The following SGCG variants were observed in gnomAD, a reference collection of about 807,000 sequenced individuals.
The protein encoded by SGCG is sarcoglycan gamma.
SGCG carries 26 observed loss-of-function variants against 29.3 expected under a neutral mutation model. The observed-to-expected ratio is 0.89, with a 90% CI of 0.65 to 1.23. SGCG has a LOEUF of 1.23. Among genes scored for constraint, SGCG ranks in the 50% most tolerant of loss-of-function variants. The probability of loss-of-function intolerance (pLI) is 0.00; values close to 1 mark genes in which losing one functional copy is unlikely to be tolerated. For missense variants in SGCG, 353 were observed against 356.0 expected, an observed-to-expected ratio of 0.99 and a Z score of 0.07; for synonymous variants, 145 against 129.7, an observed-to-expected ratio of 1.12 and a Z score of -0.80.
chr13:23,311,557 TC>T (rs917359151), intron 6 of SGCG, among the ~76,000 whole-genome samples: 3 of 152,210 alleles, frequency 2.0e-5, no homozygotes, highest in African/African-American at 7.2e-5. Flanking sequence ...GTCTGACTAC[TC>T]CTACAGGACA....
chr13:23,207,448 G>T (rs1365925075), intron 2 of SGCG, among the ~76,000 whole-genome samples: 2 of 152,072 alleles, frequency 1.3e-5, no homozygotes, highest in Non-Finnish European at 2.9e-5. Flanking sequence ...GGCAACCAAA[G>T]CAAAAATAGA....
At chr13:23,163,280 T>C in the SGCG span, among the ~76,000 whole-genome samples, 2 of 152,174 alleles carry the variant, frequency 1.3e-5, no homozygotes, top group Non-Finnish European at 2.9e-5. Flanking sequence ...TTGTTACATA[T>C]GAGGGAAATA....
At chr13:23,297,843 C>G (rs1255947879) in intron 6 of SGCG, among the ~76,000 whole-genome samples, 1 of 151,658 alleles carries the variant, frequency 6.6e-6, no homozygotes, top group East Asian at 2.0e-4. Flanking sequence ...CTCCCGGATT[C>G]AAGCGATTCT....
chr13:23,238,227 G>A (rs925895323), intron 3 of SGCG, among the ~76,000 whole-genome samples: 2 of 152,122 alleles, frequency 1.3e-5, no homozygotes, highest in African/African-American at 4.8e-5. Flanking sequence ...GAAGAGACAG[G>A]GTTGGGAGGC....
intron 4 of SGCG, among the ~76,000 whole-genome samples, chr13:23,254,052 T>C (rs544483620): frequency 1.3e-5 from 2 of 152,258 alleles, no homozygotes; most frequent in South Asian, 4.2e-4. Context: ...TTTATAGCAG[T>C]GTAAGAATCG....
At chr13:23,306,278 T>C (rs1882358285) in intron 6 of SGCG, among the ~76,000 whole-genome samples, 1 of 152,204 alleles carries the variant, frequency 6.6e-6, no homozygotes, top group Non-Finnish European at 1.5e-5. Context: ...TGTTCTGGTC[T>C]CTAAAGGTTT....
At chr13:23,188,436 C>T (rs1273237877) in intron 1 of SGCG, among the ~76,000 whole-genome samples, 3 of 148,124 alleles carry the variant, frequency 2.0e-5, no homozygotes, top group East Asian at 4.0e-4. Flanking sequence ...AGCTATTCTC[C>T]TGCCTCAGTC....
intron 4 of SGCG, among the ~76,000 whole-genome samples, chr13:23,255,244 G>T (rs896881109): frequency 6.6e-6 from 1 of 152,218 alleles, no homozygotes; most frequent in South Asian, 2.1e-4. Flanking sequence ...CAGGAGTGGT[G>T]CTGGTCACCT....
At chr13:23,288,062 G>GT (rs1296568387) in intron 5 of SGCG, among the ~76,000 whole-genome samples, 1 of 152,140 alleles carries the variant, frequency 6.6e-6, no homozygotes, top group Non-Finnish European at 1.5e-5. Context: ...CAATAAGAAT[G>GT]TTTTTATAAG....
chr13:23,241,158 A>AAAT (rs1380892053), intron 3 of SGCG, among the ~76,000 whole-genome samples: 2 of 150,202 alleles, frequency 1.3e-5, no homozygotes, highest in African/African-American at 4.9e-5. Flanking sequence ...CAAAAAAAAA[A>AAAT]AAAAAGAAGA....
intron 1 of SGCG, among the ~76,000 whole-genome samples, chr13:23,200,261 A>G (rs917521588): frequency 4.6e-5 from 7 of 152,122 alleles, no homozygotes; most frequent in African/African-American, 1.2e-4. Flanking sequence ...CGTCTCTACT[A>G]AAAATACAAA....
intron 7 of SGCG, among the ~76,000 whole-genome samples, chr13:23,323,001 AACATTTTGAAACTACATT>A (rs1447490736): frequency 6.6e-6 from 1 of 152,124 alleles, no homozygotes; most frequent in Non-Finnish European, 1.5e-5. Flanking sequence ...TATGGGTGCC[AACATTTTGAAACTACATT>A]ACTGTGATAT....
At chr13:23,185,637 G>A (rs138079894) in intron 1 of SGCG, among the ~76,000 whole-genome samples, 42 of 152,316 alleles carry the variant, frequency 2.8e-4, no homozygotes, top group Middle Eastern at 3.4e-3. Context: ...CAGCAAAGGC[G>A]GCAAAGTGGG....
chr13:23,170,834 C>G, the SGCG span, among the ~76,000 whole-genome samples: 1 of 152,232 alleles, frequency 6.6e-6, no homozygotes, highest in Non-Finnish European at 1.5e-5. Context: ...AAGACAAGTG[C>G]AGCTGCATGG....
In SGCG at chr13:23,276,578, G is replaced by A. The variant is rs373910451; in HGVS notation, c.386-2781G>A. ...CTCCCCAGTAGCTGGGACTACAGGC[G>A]CACGCCGCCACACCCAGCTAATTTT... On this transcript the variant is annotated intron_variant, in intron 4 of 7. Coordinates refer to ENST00000218867, the MANE Select transcript of SGCG (RefSeq NM_000231.3). Among the ~76,000 whole-genome samples the A allele has an allele frequency of 5.3e-5, 8 of 151,994 alleles. No individual in the cohort carries two copies. In the East Asian group the frequency reaches 1.2e-3, roughly 22 times the overall value.
intron 5 of SGCG, among the ~76,000 whole-genome samples, chr13:23,295,077 A>G (rs1446903035): frequency 1.3e-5 from 2 of 152,242 alleles, no homozygotes; most frequent in African/African-American, 4.8e-5. Context: ...TTAAATTACT[A>G]TTACTTAAAA....
chr13:23,296,798 T>A (rs1881926134), intron 6 of SGCG, among the ~76,000 whole-genome samples: 1 of 152,196 alleles, frequency 6.6e-6, no homozygotes, highest in East Asian at 1.9e-4. Flanking sequence ...AAATTTATTA[T>A]TTTTTACAGA....
intron 1 of SGCG, among the ~76,000 whole-genome samples, chr13:23,198,066 C>A (rs1877582211): frequency 3.9e-5 from 6 of 152,120 alleles, no homozygotes; most frequent in Admixed American, 3.9e-4. Flanking sequence ...AGTGGCATAC[C>A]AAAGTCAGTA....
At chr13:23,185,412 G>A (rs1223786617) in intron 1 of SGCG, among the ~76,000 whole-genome samples, 2 of 152,134 alleles carry the variant, frequency 1.3e-5, no homozygotes, top group South Asian at 2.1e-4. Flanking sequence ...GAATGGTCTC[G>A]ATCTCCTGAC....
Sources: allele counts gnomAD v4.1 joint callset (sites outside exome capture counted in the v4.1 genomes callset), GRCh38; gene constraint gnomAD v4.1.1; transcripts MANE v1.5; gene names NCBI Gene and HGNC (gene_info 2026-07-23, HGNC 2026-07-21).